VPS13B: variants seen among roughly 807,000 people sequenced by gnomAD.
VPS13B encodes the protein vacuolar protein sorting 13 homolog B.
Under a neutral mutation model 426.4 loss-of-function variants are expected in VPS13B, and 285 were observed. The observed-to-expected ratio is 0.67, with a 90% CI of 0.61 to 0.74. The LOEUF (loss-of-function observed/expected upper bound fraction) is 0.74, where lower values mean the gene tolerates loss of function less well. Ranked by LOEUF, VPS13B falls within the 30% of genes least tolerant of loss-of-function variation. VPS13B has a pLI of 0.00. For missense variants in VPS13B, 4,537 were observed against 4,782.6 expected, an observed-to-expected ratio of 0.95 and a Z score of 1.51; for synonymous variants, 1,676 against 1,676.4, an observed-to-expected ratio of 1.00 and a Z score of 0.01.
chr8:99,633,842 T>TGTGTGTGTGC (rs1325424655), intron 33 of VPS13B, among the ~76,000 whole-genome samples: 6 of 151,358 alleles, frequency 4.0e-5, no homozygotes, highest in East Asian at 1.9e-4. Context: ...TGTGTGTGCG[T>TGTGTGTGTGC]GTTTTAACTG....
intron 21 of VPS13B, among the ~76,000 whole-genome samples, chr8:99,392,090 A>G (rs933464517): frequency 3.3e-5 from 5 of 152,202 alleles, no homozygotes; most frequent in African/African-American, 1.2e-4. Context: ...CGCTATGCAA[A>G]TATCCTTAAA....
At chr8:99,810,121 G>C (rs1265804342) in intron 44 of VPS13B, among the ~76,000 whole-genome samples, 2 of 152,146 alleles carry the variant, frequency 1.3e-5, no homozygotes, top group Admixed American at 1.3e-4. Context: ...CTTTTTGGCT[G>C]TTTTTGAAGT....
At chr8:99,627,164 G>C (rs964843017) in intron 33 of VPS13B, among the ~76,000 whole-genome samples, 12 of 152,088 alleles carry the variant, frequency 7.9e-5, no homozygotes, top group African/African-American at 2.9e-4. Context: ...CAGACTTTCA[G>C]ATAGACAAGA....
chr8:99,068,849 A>G (rs1765406744), intron 3 of VPS13B, among the ~76,000 whole-genome samples: 1 of 152,158 alleles, frequency 6.6e-6, no homozygotes, highest in Admixed American at 6.5e-5. Context: ...TGTGGGAACT[A>G]CAATTCTAGA....
At position 99,435,850 on chromosome 8, in the gene VPS13B, A is replaced by T. The variant is rs139659477; in HGVS notation, c.3210+4186A>T. ...GCAAATAGGGATTTTGAATTTACAC[A>T]TGTATTTGAAATGTATGTGAGACAT... On this transcript the variant is annotated intron_variant, in intron 22 of 61. Transcript: ENST00000357162. Among the ~76,000 whole-genome samples the T allele has an allele frequency of 4.4e-3, 665 of 152,290 alleles. 4 individuals carry two copies. Among genetic ancestry groups the T allele is most frequent in the Non-Finnish European group, 6.8e-3 (460 of 68,002 alleles).
chr8:99,637,069 A>G (rs1176757357), intron 33 of VPS13B, among the ~76,000 whole-genome samples: 2 of 152,060 alleles, frequency 1.3e-5, no homozygotes, highest in East Asian at 1.9e-4. Flanking sequence ...AGATACTGCT[A>G]TTTTTGACAA....
rs755406876 is a variant in VPS13B, at chr8:99,818,747, A to G, written c.8480A>G (p.His2827Arg). 31 of 1,613,908 alleles carry G rather than the reference A, an allele frequency of 1.9e-5. No homozygotes were observed. The highest frequency in any genetic ancestry group is 2.6e-5 in the Non-Finnish European group (31 of 1,179,974). ...VFSPLFIMRSHLPDPIIIHLE... is the reference protein window; with the variant it reads ...VFSPLFIMRSRLPDPIIIHLE... ...AGCCCTCTTTTTATCATGAGGAGTC[A>G]TCTTCCAGACCCCATTATCATACAT... The change falls in exon 47 of 62, where the codon CAT becomes CGT. Residue 2827 changes from histidine to arginine, a missense_variant. Coordinates refer to ENST00000357162, the MANE Select transcript of VPS13B (RefSeq NM_152564.5).
At chr8:99,456,816 G>A (rs184551147) in intron 23 of VPS13B, among the ~76,000 whole-genome samples, 27 of 152,138 alleles carry the variant, frequency 1.8e-4, no homozygotes, top group Admixed American at 1.4e-3. Context: ...CAAAGAATGA[G>A]TTGGGAAGTC....
chr8:99,095,134 T>C (rs1846353760), intron 3 of VPS13B, among the ~76,000 whole-genome samples: 1 of 152,164 alleles, frequency 6.6e-6, no homozygotes, highest in Non-Finnish European at 1.5e-5. Flanking sequence ...CTCCCACTTC[T>C]CTCCCTCTGT....
chr8:99,101,263 C>A (rs1293926248), intron 4 of VPS13B, among the ~76,000 whole-genome samples: 2 of 152,114 alleles, frequency 1.3e-5, no homozygotes, highest in Non-Finnish European at 2.9e-5. Context: ...TCCTGAGTAG[C>A]TGGGACTACA....
At chr8:99,066,850 C>T (rs943193076) in intron 3 of VPS13B, among the ~76,000 whole-genome samples, 1 of 152,082 alleles carries the variant, frequency 6.6e-6, no homozygotes, top group Non-Finnish European at 1.5e-5. Flanking sequence ...ACAGACACTT[C>T]TCAAAAGAAG....
intron 19 of VPS13B, among the ~76,000 whole-genome samples, chr8:99,342,882 T>G (rs995732736): frequency 7.2e-5 from 11 of 152,186 alleles, no homozygotes; most frequent in Non-Finnish European, 2.9e-5. Flanking sequence ...AGATTTCCCT[T>G]TTCTCTGAAT....
In VPS13B at chr8:99,096,444, T is replaced by G; in HGVS notation, c.412+12T>G. ...TGACTTACCACCAGGTAACTTCTAA[T>G]GGGATCAATAAAACCAAATTTCAAT... On this transcript the variant is annotated intron_variant, in intron 4 of 61. Transcript: ENST00000357162. 1 of 1,613,786 alleles carries G rather than the reference T, an allele frequency of 6.2e-7. No homozygotes were observed. The highest frequency in any genetic ancestry group is 1.1e-5 in the South Asian group (1 of 91,088).
intron 21 of VPS13B, among the ~76,000 whole-genome samples, chr8:99,412,795 T>G (rs982543525): frequency 6.6e-6 from 1 of 152,228 alleles, no homozygotes; most frequent in Non-Finnish European, 1.5e-5. Context: ...TGTTGAATTT[T>G]ATTGAAGTCC....
At chr8:99,526,703 A>G (rs1355952626) in intron 30 of VPS13B, among the ~76,000 whole-genome samples, 1 of 152,208 alleles carries the variant, frequency 6.6e-6, no homozygotes, top group Non-Finnish European at 1.5e-5. Context: ...AATGTTGACT[A>G]TCTCAGGAGT....
At chr8:99,182,847 G>A (rs148525744) in intron 16 of VPS13B, among the ~76,000 whole-genome samples, 49 of 152,132 alleles carry the variant, frequency 3.2e-4, no homozygotes, top group Non-Finnish European at 5.7e-4. Flanking sequence ...AGAGATTCCC[G>A]GGCCTCAGCC....
At chr8:99,584,953 G>A (rs577493505) in intron 33 of VPS13B, among the ~76,000 whole-genome samples, 5 of 152,208 alleles carry the variant, frequency 3.3e-5, no homozygotes, top group East Asian at 1.9e-4. Flanking sequence ...ACACCTACTC[G>A]TGTGCAGAGA....
chr8:99,376,867 A>G (rs781118979), intron 19 of VPS13B, among the ~76,000 whole-genome samples: 11 of 152,200 alleles, frequency 7.2e-5, no homozygotes, highest in South Asian at 2.1e-4. Context: ...ACTTAGATGC[A>G]TAATCTAAAA....
intron 33 of VPS13B, among the ~76,000 whole-genome samples, chr8:99,633,836 T>TGTGTGTGTGTGTGTGTGCGC (rs1432874227): frequency 6.6e-6 from 1 of 151,334 alleles, no homozygotes; most frequent in African/African-American, 2.4e-5. Context: ...TGTGTGTGTG[T>TGTGTGTGTGTGTGTGTGCGC]GTGCGTGTTT....
Sources: gnomAD v4.1 joint callset for allele counts (sites outside exome capture counted in the v4.1 genomes callset) on GRCh38, gnomAD v4.1.1 for gene constraint, MANE v1.5 for transcripts, NCBI Gene and HGNC (gene_info 2026-07-23, HGNC 2026-07-21) for gene names.